DLGAP2: variants seen among roughly 807,000 people sequenced by gnomAD.
DLGAP2 encodes the protein disks large-associated protein 2.
A neutral mutation model predicts 100.3 loss-of-function variants in DLGAP2; 26 were observed. That is an observed-to-expected ratio of 0.26 (90% CI 0.19 to 0.36). The LOEUF is 0.36. Among genes scored for constraint, DLGAP2 ranks in the 10% least tolerant of loss-of-function variants. The probability of loss-of-function intolerance (pLI) is 1.00; values close to 1 mark genes in which losing one functional copy is unlikely to be tolerated. For synonymous variants in DLGAP2, 886 were observed against 630.1 expected, an observed-to-expected ratio of 1.41 and a Z score of -6.08; for missense variants, 1,858 against 1,453.2, an observed-to-expected ratio of 1.28 and a Z score of -4.53.
chr8:879,227 A>T (rs897453090), intron 1 of DLGAP2, among the ~76,000 whole-genome samples: 3 of 152,198 alleles, frequency 2.0e-5, no homozygotes, highest in South Asian at 2.1e-4. Context: ...CACATAGATA[A>T]TTTCCCTGTT....
At chr8:1,003,535 C>G (rs373835047) in intron 2 of DLGAP2, among the ~76,000 whole-genome samples, 2 of 152,228 alleles carry the variant, frequency 1.3e-5, no homozygotes, top group Non-Finnish European at 2.9e-5. Context: ...AATAAGCCAT[C>G]TCAACATTTA....
At chr8:769,960 G>C (rs1438081467) in intron 1 of DLGAP2, among the ~76,000 whole-genome samples, 2 of 151,954 alleles carry the variant, frequency 1.3e-5, no homozygotes, top group Non-Finnish European at 2.9e-5. Context: ...CACTTGTGCA[G>C]CTCTACACAG....
chr8:758,473 T>C (rs1457421845), intron 1 of DLGAP2, among the ~76,000 whole-genome samples: 1 of 152,228 alleles, frequency 6.6e-6, no homozygotes, highest in Non-Finnish European at 1.5e-5. Context: ...CAGTAGGAGC[T>C]ACAATTGAAA....
intron 2 of DLGAP2, among the ~76,000 whole-genome samples, chr8:1,133,544 C>G (rs540571986): frequency 2.0e-5 from 3 of 152,274 alleles, no homozygotes; most frequent in South Asian, 2.1e-4. Context: ...GAAACTGTGA[C>G]TATTTTGACC....
intron 10 of DLGAP2, among the ~76,000 whole-genome samples, chr8:1,671,425 C>G (rs992208921): frequency 1.3e-5 from 2 of 152,198 alleles, no homozygotes; most frequent in Non-Finnish European, 2.9e-5. Context: ...GAATGTCATT[C>G]CTACAAATGA....
chr8:1,593,500 GA>G (rs1281779245), intron 6 of DLGAP2, among the ~76,000 whole-genome samples: 1 of 151,914 alleles, frequency 6.6e-6, no homozygotes, highest in African/African-American at 2.4e-5. Context: ...ATAAATAAAT[GA>G]CACTAATTGA....
At chr8:1,575,840 G>A (rs1802949746) in intron 6 of DLGAP2, among the ~76,000 whole-genome samples, 2 of 151,990 alleles carry the variant, frequency 1.3e-5, no homozygotes, top group Middle Eastern at 6.8e-3. Context: ...GTGTATATGT[G>A]CCACATTTTC....
chr8:957,224 G>C (rs1193726640), intron 2 of DLGAP2, among the ~76,000 whole-genome samples: 1 of 152,244 alleles, frequency 6.6e-6, no homozygotes, highest in Non-Finnish European at 1.5e-5. Flanking sequence ...TTTGAAGGCA[G>C]GGTCAGTGCT....
At chr8:1,161,162 CA>C (rs1796881592) in intron 2 of DLGAP2, among the ~76,000 whole-genome samples, 1 of 152,162 alleles carries the variant, frequency 6.6e-6, no homozygotes, top group Admixed American at 6.5e-5. Context: ...TAACAGTTTG[CA>C]TTATGTCAGC....
At chr8:1,219,670 G>T (rs756791110) in intron 2 of DLGAP2, among the ~76,000 whole-genome samples, 1 of 152,028 alleles carries the variant, frequency 6.6e-6, no homozygotes, top group African/African-American at 2.4e-5. Context: ...TGATTTTTTG[G>T]AATAGTTTTG....
At chr8:1,551,981 T>C (rs1801783899) in intron 5 of DLGAP2, among the ~76,000 whole-genome samples, 1 of 152,162 alleles carries the variant, frequency 6.6e-6, no homozygotes, top group Admixed American at 6.5e-5. Context: ...CTCCTCTCTT[T>C]CCTCTCTTCC....
At chr8:1,652,777 T>C (rs1489136900) in intron 8 of DLGAP2, among the ~76,000 whole-genome samples, 1 of 152,182 alleles carries the variant, frequency 6.6e-6, no homozygotes, top group East Asian at 1.9e-4. Context: ...AAGAATAACA[T>C]GCGAGACAGA....
chr8:1,666,109 G>A lies in DLGAP2; in HGVS notation c.1811-2220G>A, dbSNP rs183807365. Among the ~76,000 whole-genome samples, 21 of 152,234 alleles carry A rather than the reference G, an allele frequency of 1.4e-4. 1 individual carries two copies. The highest frequency in any genetic ancestry group is 6.2e-4 in the South Asian group (3 of 4,826). On this transcript the variant is annotated intron_variant, in intron 8 of 14. Transcript: ENST00000637795. ...TATTTCCTAACCCAGGTCTCTCCCC[G>A]GCACTACTGGCCTTTGGGATGGAGA...
Position 1,701,200 on chromosome 8 carries a change from G to C in DLGAP2, c.2962G>C (p.Val988Leu). 1 of 1,564,088 alleles carries C rather than the reference G, an allele frequency of 6.4e-7. No homozygotes were observed. The highest frequency in any genetic ancestry group is 8.7e-7 in the Non-Finnish European group (1 of 1,155,020). The change falls in exon 15 of 15, where the codon GTC (valine) becomes CTC (leucine). Residue 988 changes from valine (V) to leucine (L), a missense_variant. Coordinates refer to ENST00000637795, the MANE Select transcript of DLGAP2 (RefSeq NM_001346810.2). ...ESPERKEERK[V>L]PPPIPKKPPK... ...CGCTGCTTTTCAGGAAGAAAGAAAG[G>C]TCCCGCCTCCAATACCAAAGAAGCC...
intron 2 of DLGAP2, among the ~76,000 whole-genome samples, chr8:1,166,608 T>A (rs977898151): frequency 6.6e-6 from 1 of 152,162 alleles, no homozygotes; most frequent in East Asian, 1.9e-4. Flanking sequence ...AATTATTTTA[T>A]CCTTTCTAAG....
At chr8:1,191,459 C>G (rs28635387) in intron 2 of DLGAP2, among the ~76,000 whole-genome samples, 29,572 of 152,104 alleles carry the variant, frequency 0.19, 3,568 homozygotes, top group Middle Eastern at 0.35. Flanking sequence ...CGTGAGCCAC[C>G]GCGCCCAGCC....
intron 8 of DLGAP2, among the ~76,000 whole-genome samples, chr8:1,643,486 C>G (rs1379579275): frequency 9.6e-4 from 17 of 17,794 alleles, no homozygotes; most frequent in African/African-American, 2.2e-3. Context: ...GTGTCACCCT[C>G]GAACCCGCCG....
rs956379314 is a variant in DLGAP2 at position 1,285,121 on chromosome 8, C to T, written c.106+26238C>T. Among the ~76,000 whole-genome samples the T allele has an allele frequency of 3.3e-5, 5 of 152,248 alleles. No homozygotes were observed. The South Asian group carries it at 8.3e-4, about 25-fold the overall frequency. On this transcript the variant is annotated intron_variant, in intron 3 of 14. Coordinates refer to ENST00000637795, the MANE Select transcript of DLGAP2 (RefSeq NM_001346810.2). ...GCCATATTTTTTATGTAATTGAATTCCACGTGGCTGGAATGAGGAAACTTG... is the reference window on the plus strand; with the variant it reads ...GCCATATTTTTTATGTAATTGAATTTCACGTGGCTGGAATGAGGAAACTTG...
At chr8:1,415,017 A>T (rs562467331) in intron 3 of DLGAP2, among the ~76,000 whole-genome samples, 1 of 151,814 alleles carries the variant, frequency 6.6e-6, no homozygotes, top group African/African-American at 2.4e-5. Flanking sequence ...TCAAAAGAAA[A>T]AAAAAGAAGA....
Sources: gnomAD v4.1 joint callset for allele counts (sites outside exome capture counted in the v4.1 genomes callset) on GRCh38, gnomAD v4.1.1 for gene constraint, MANE v1.5 for transcripts, NCBI Gene and HGNC (gene_info 2026-07-23, HGNC 2026-07-21) for gene names.